The following OR6N1 variants were observed in gnomAD, a reference collection of about 807,000 sequenced individuals.
The protein encoded by OR6N1 is olfactory receptor family 6 subfamily N member 1.
For synonymous variants in OR6N1, 170 were observed against 150.7 expected (o/e 1.13, Z -0.94); for missense variants, 394 against 371.7 (o/e 1.06, Z -0.49).
chr1:158,820,024 A>G, the OR6N1 span, among the ~76,000 whole-genome samples: 1 of 152,252 alleles, frequency 6.6e-6, no homozygotes, highest in African/African-American at 2.4e-5. Context: ...ATTTATTGAC[A>G]GCAAGCCAGT....
the OR6N1 span, among the ~76,000 whole-genome samples, chr1:158,837,346 C>T: frequency 1.5e-4 from 23 of 151,858 alleles, no homozygotes; most frequent in Middle Eastern, 0.014. Flanking sequence ...GTCTATTTCT[C>T]CCTTCAATTC....
chr1:158,790,400 A>AT, the OR6N1 span, among the ~76,000 whole-genome samples: 14,855 of 129,378 alleles, frequency 0.11, 2,643 homozygotes, highest in African/African-American at 0.38. Flanking sequence ...TTGATAGGGA[A>AT]TTTTTTTTTT....
chr1:158,826,187 G>A, the OR6N1 span, among the ~76,000 whole-genome samples: 1 of 151,606 alleles, frequency 6.6e-6, no homozygotes, highest in Admixed American at 6.6e-5. Flanking sequence ...AATTACCTAG[G>A]TGATGAAATA....
intron 1 of OR6N1, among the ~76,000 whole-genome samples, chr1:158,769,004 T>C (rs1014740619): frequency 4.6e-5 from 7 of 152,206 alleles, no homozygotes; most frequent in Non-Finnish European, 1.0e-4. Flanking sequence ...GTCAAGTGCC[T>C]AGAGCCATGT....
At chr1:158,776,539 T>G, upstream of OR6N1, 2 of 513,352 alleles carry the variant, frequency 3.9e-6, no homozygotes, top group Middle Eastern at 5.0e-4. Flanking sequence ...AATAAAGATG[T>G]AGAAAATGAG....
the OR6N1 span, among the ~76,000 whole-genome samples, chr1:158,795,143 C>T: frequency 8.5e-5 from 13 of 152,272 alleles, no homozygotes; most frequent in African/African-American, 2.6e-4. Flanking sequence ...GTGTAGCTTC[C>T]TCTGCTGCAC....
the OR6N1 span, among the ~76,000 whole-genome samples, chr1:158,802,511 T>C: frequency 6.6e-6 from 1 of 152,142 alleles, no homozygotes; most frequent in Admixed American, 6.5e-5. Context: ...CTTGAATACA[T>C]GAAGAATCAC....
At chr1:158,798,438 A>G in the OR6N1 span, among the ~76,000 whole-genome samples, 1 of 151,818 alleles carries the variant, frequency 6.6e-6, no homozygotes, top group Non-Finnish European at 1.5e-5. Flanking sequence ...TTGTTCAGAT[A>G]TAGATGTTTT....
chr1:158,776,685 A>C, upstream of OR6N1: 2 of 1,581,486 alleles, frequency 1.3e-6, no homozygotes, highest in Non-Finnish European at 1.7e-6. Flanking sequence ...AAGAAAGTCA[A>C]AGATGAGCAA....
the OR6N1 span, among the ~76,000 whole-genome samples, chr1:158,827,718 C>T: frequency 6.6e-6 from 1 of 152,222 alleles, no homozygotes; most frequent in Admixed American, 6.5e-5. Flanking sequence ...GAGATAAAAT[C>T]ATTATTTGAG....
At chr1:158,776,492 C>A, upstream of OR6N1, 1 of 451,792 alleles carries the variant, frequency 2.2e-6, no homozygotes, top group South Asian at 5.6e-5. Flanking sequence ...CTAAAATATT[C>A]TTAAATGCTG....
chr1:158,777,326 A>G, the OR6N1 span: 1 of 1,614,180 alleles, frequency 6.2e-7, no homozygotes. Flanking sequence ...AAGGAGTGGA[A>G]GAAGTAGGTC....
the OR6N1 span, among the ~76,000 whole-genome samples, chr1:158,784,242 T>A: frequency 1.3e-5 from 2 of 152,248 alleles, no homozygotes; most frequent in African/African-American, 4.8e-5. Context: ...ACTGTATTCA[T>A]CCCATTTCTA....
upstream of OR6N1, chr1:158,776,408 A>G (rs973394822): frequency 1.8e-5 from 5 of 270,496 alleles, no homozygotes; most frequent in Non-Finnish European, 3.4e-5. Flanking sequence ...AGAGAAATCG[A>G]TCTCTAGCTG....
chr1:158,789,596 G>T, the OR6N1 span, among the ~76,000 whole-genome samples: 1 of 152,076 alleles, frequency 6.6e-6, no homozygotes, highest in African/African-American at 2.4e-5. Context: ...GTGAGGTTGA[G>T]CTTTTTATTT....
At chr1:158,774,422 T>C (rs1023392699), upstream of OR6N1, 3 of 152,096 alleles carry the variant, frequency 2.0e-5, no homozygotes, top group Non-Finnish European at 4.4e-5. Flanking sequence ...AACAGAAGCC[T>C]GGGGTTCATC....
chr1:158,780,244 G>T, the OR6N1 span, among the ~76,000 whole-genome samples: 1 of 152,128 alleles, frequency 6.6e-6, no homozygotes, highest in African/African-American at 2.4e-5. Flanking sequence ...AACTGTTGTT[G>T]GTAATGTTTC....
the OR6N1 span, among the ~76,000 whole-genome samples, chr1:158,835,332 T>A: frequency 7.1e-3 from 1,075 of 152,270 alleles, 4 homozygotes; most frequent in Middle Eastern, 0.027. Context: ...TTGATTAAGT[T>A]TATTCCTAAG....
chr1:158,815,677 A>G, the OR6N1 span, among the ~76,000 whole-genome samples: 1 of 152,186 alleles, frequency 6.6e-6, no homozygotes, highest in Non-Finnish European at 1.5e-5. Context: ...ATGTGAAAAA[A>G]ATTCAACTAA....
Sources: allele counts gnomAD v4.1 joint callset (sites outside exome capture counted in the v4.1 genomes callset), GRCh38; gene constraint gnomAD v4.1.1; transcripts MANE v1.5; gene names NCBI Gene and HGNC (gene_info 2026-07-23, HGNC 2026-07-21).